The following SASS6 variants were observed in gnomAD, a reference collection of about 807,000 sequenced individuals.
SASS6 encodes SAS-6 centriolar assembly protein.
A neutral mutation model predicts 94.9 loss-of-function variants in SASS6; 59 were observed. The ratio of observed to expected loss-of-function variants is 0.62; its 90% CI spans 0.50 to 0.77. The LOEUF (loss-of-function observed/expected upper bound fraction) is 0.77, where lower values mean the gene tolerates loss of function less well. Ranked by LOEUF, SASS6 falls within the 30% of genes least tolerant of loss-of-function variation. The probability of loss-of-function intolerance (pLI) is 0.00; values close to 1 mark genes in which losing one functional copy is unlikely to be tolerated. For synonymous variants in SASS6, 264 were observed against 270.0 expected, an observed-to-expected ratio of 0.98 and a Z score of 0.22; for missense variants, 698 against 734.1, an observed-to-expected ratio of 0.95 and a Z score of 0.57.
At chr1:100,123,117 A>G in intron 3 of SASS6, 93 bp downstream of exon 3, 1 of 585,026 alleles carries the variant, frequency 1.7e-6, no homozygotes, top group Non-Finnish European at 3.1e-6. Context: ...ACTAAATCTA[A>G]TATGTAGGTA....
intron 14 of SASS6, among the ~76,000 whole-genome samples, chr1:100,095,990 A>G (rs1652077773): frequency 6.6e-6 from 1 of 152,224 alleles, no homozygotes; most frequent in African/African-American, 2.4e-5. Context: ...TTGAAAACTG[A>G]CCTATAAATT....
intron 15 of SASS6, among the ~76,000 whole-genome samples, chr1:100,086,633 C>T (rs574358492): frequency 6.6e-6 from 1 of 151,810 alleles, no homozygotes; most frequent in Non-Finnish European, 1.5e-5. Flanking sequence ...CCCTCAGCCT[C>T]CCAAGCAGCT....
intron 15 of SASS6, among the ~76,000 whole-genome samples, chr1:100,086,508 ATTTGAT>A (rs1250224430): frequency 2.9e-4 from 37 of 129,028 alleles, no homozygotes; most frequent in African/African-American, 1.1e-3. Flanking sequence ...GTCTATAATG[ATTTGAT>A]TTTTTTTTTT....
At chr1:100,124,978 T>C (rs1654492898) in intron 2 of SASS6, among the ~76,000 whole-genome samples, 1 of 152,158 alleles carries the variant, frequency 6.6e-6, no homozygotes, top group Admixed American at 6.5e-5. Context: ...CACCTCCTGC[T>C]GTGCAGCCTG....
chr1:100,083,614 A>AAAT lies in SASS6; in HGVS notation c.*1711_*1713dup, dbSNP rs1371588682. On this transcript the variant is annotated 3_prime_UTR_variant, in exon 17 of 17. Coordinates refer to ENST00000287482, the MANE Select transcript of SASS6 (RefSeq NM_194292.3). ...TATTAACAAAGCTCAAAGTTTACAG[A>AAAT]AATAACATTAAATGCAACACTTTTT... 6.6e-6 allele frequency: 1 copy of AAAT among 152,110 alleles called. No individual in the cohort carries two copies. 9.4% of individuals were successfully genotyped at this position (152,110 alleles called of 1,614,324 possible). A position where few individuals can be genotyped will look rare whatever the true frequency, so the allele number is the denominator to read the frequency against.
intron 14 of SASS6, among the ~76,000 whole-genome samples, chr1:100,096,638 GAT>G (rs1246842972): frequency 6.6e-6 from 1 of 152,096 alleles, no homozygotes; most frequent in African/African-American, 2.4e-5. Context: ...TCATATACTT[GAT>G]AAAGGACTTG....
intron 2 of SASS6, among the ~76,000 whole-genome samples, chr1:100,125,407 A>C (rs980708849): frequency 6.6e-6 from 1 of 151,762 alleles, no homozygotes; most frequent in African/African-American, 2.4e-5. Flanking sequence ...TAGGCCGGGC[A>C]CAGTGGTTCA....
chr1:100,090,632 C>T (rs1651605300), intron 14 of SASS6, among the ~76,000 whole-genome samples: 1 of 152,036 alleles, frequency 6.6e-6, no homozygotes, highest in Non-Finnish European at 1.5e-5. Flanking sequence ...GGCACTGTGG[C>T]CTCATTAACA....
At chr1:100,096,624 C>T (rs1294822037) in intron 14 of SASS6, among the ~76,000 whole-genome samples, 1 of 152,046 alleles carries the variant, frequency 6.6e-6, no homozygotes, top group African/African-American at 2.4e-5. Context: ...AAAATATTTG[C>T]TAATCATATA....
At chr1:100,121,667 A>G (rs372714346) in intron 4 of SASS6, 118 bp from the exon 5 acceptor site, 11 of 591,798 alleles carry the variant, frequency 1.9e-5, no homozygotes, top group Middle Eastern at 4.5e-4. Context: ...AGGACTCCCA[A>G]TGGTAAAAGA....
intron 1 of SASS6, among the ~76,000 whole-genome samples, chr1:100,130,703 A>G (rs909875053): frequency 6.6e-5 from 10 of 150,874 alleles, no homozygotes; most frequent in African/African-American, 2.2e-4. Context: ...AAAAAAAAAA[A>G]AGAGAGAGAG....
chr1:100,101,467 T>C (rs1652495410), intron 14 of SASS6, among the ~76,000 whole-genome samples: 2 of 152,056 alleles, frequency 1.3e-5, no homozygotes, highest in South Asian at 4.1e-4. Context: ...ACAAGACCTA[T>C]AAGAATGATA....
rs144990398 is a variant in SASS6, at chr1:100,085,367, C to T, written c.1935G>A (p.Ala645=). 845 of 1,613,266 alleles carry T rather than the reference C, an allele frequency of 5.2e-4. 11 individuals carry two copies. In the East Asian group the frequency reaches 0.013, roughly 24 times the overall value. The stretch of plus-strand genomic sequence containing the variant: ...ACTGCCCAGGGAAATAGGCTGAAGA[C>T]GCAGAGGGGAGCGCTGTGGGTTTGG... ...TSSKPTALPS[A]SSAYFPGQLP... Residue 645 remains alanine, a synonymous_variant, in exon 17 of 17, where the codon GCG becomes GCA. Coordinates refer to ENST00000287482, the MANE Select transcript of SASS6 (RefSeq NM_194292.3).
chr1:100,119,102 T>C lies in SASS6; in HGVS notation c.585A>G (p.Leu195=), dbSNP rs1247859199. Residue 195 remains leucine (L), a synonymous_variant, in exon 7 of 17, where the codon TTA becomes TTG. Transcript: ENST00000287482. ...CTGTATGTGACGCCCATTCATTCCG[T>C]AACTTATCTAATTCTTGTTTTTTTT... The part of the protein sequence containing the change: ...LAEKKQELDK[L]RNEWASHTAA... 1.3e-6 allele frequency: 2 copies of C among 1,576,904 alleles called. No individual in the cohort carries two copies. Among genetic ancestry groups the C allele is most frequent in the Admixed American group, 1.7e-5 (1 of 59,228 alleles).
At chr1:100,115,907 CTTATA>C (rs1402623047) in intron 7 of SASS6, among the ~76,000 whole-genome samples, 9 of 152,118 alleles carry the variant, frequency 5.9e-5, no homozygotes, top group South Asian at 2.1e-4. Context: ...AAAATTCTAC[CTTATA>C]TTATACTCCA....
At position 100,110,374 on chromosome 1, in the gene SASS6, G is replaced by C. The variant is rs75864953; in HGVS notation, c.779C>G (p.Ala260Gly). Reference sequence around the variant, plus strand: ...TTTTCTTTCGGTTAAGTCTTTATTAGCCGCTTCTAACTCAGACAGTCTGTT... The same window carrying C: ...TTTTCTTTCGGTTAAGTCTTTATTACCCGCTTCTAACTCAGACAGTCTGTT... ...LQNRLSELEA[A>G]NKDLTERKYK... The change falls in exon 8 of 17, where the codon GCT becomes GGT. Residue 260 changes from alanine (A) to glycine (G), a missense_variant. Physicochemically the swap from Ala to Gly is moderately conservative, Grantham distance 60. Coordinates refer to ENST00000287482, the MANE Select transcript of SASS6 (RefSeq NM_194292.3). 1 of 1,606,742 alleles carries C rather than the reference G, an allele frequency of 6.2e-7. No individual in the cohort carries two copies. The highest frequency in any genetic ancestry group is 2.2e-5 in the East Asian group (1 of 44,754).
intron 15 of SASS6, among the ~76,000 whole-genome samples, chr1:100,087,814 A>T (rs1324916327): frequency 6.6e-6 from 1 of 152,214 alleles, no homozygotes; most frequent in Non-Finnish European, 1.5e-5. Flanking sequence ...AGGAATTTTT[A>T]AAAATTTCTA....
chr1:100,112,520 A>G (rs1266748387), intron 7 of SASS6, among the ~76,000 whole-genome samples: 1 of 152,226 alleles, frequency 6.6e-6, no homozygotes, highest in Non-Finnish European at 1.5e-5. Context: ...AAGTGTAAAC[A>G]TAAAGAGAAA....
Position 100,085,025 on chromosome 1 carries a change from A to T in SASS6, c.*303T>A, listed in dbSNP as rs1651137379. ...TTAATATGATCAGAATCTCCCTCAT[A>T]AGGATCAACTCTTTCCTTAGAACTG... On this transcript the variant is annotated 3_prime_UTR_variant, in exon 17 of 17. Coordinates refer to ENST00000287482, the MANE Select transcript of SASS6 (RefSeq NM_194292.3). The T allele has an allele frequency of 1.2e-5, 3 of 248,772 alleles. No homozygotes were observed. The highest frequency in any genetic ancestry group is 2.3e-5 in the Non-Finnish European group (3 of 128,382). 15.4% of individuals were successfully genotyped at this position (248,772 alleles called of 1,614,324 possible). A position where few individuals can be genotyped will look rare whatever the true frequency, so the allele number is the denominator to read the frequency against.
Sources: allele counts gnomAD v4.1 joint callset (sites outside exome capture counted in the v4.1 genomes callset), GRCh38; gene constraint gnomAD v4.1.1; transcripts MANE v1.5; gene names NCBI Gene and HGNC (gene_info 2026-07-23, HGNC 2026-07-21).